The following OSBPL8 variants were observed in gnomAD, a reference collection of about 807,000 sequenced individuals.
The protein encoded by OSBPL8 is oxysterol-binding protein-related protein 8.
OSBPL8 carries 59 observed loss-of-function variants against 125.5 expected under a neutral mutation model. The observed-to-expected ratio is 0.47, with a 90% CI of 0.38 to 0.58. OSBPL8 has a LOEUF of 0.58. Among genes scored for constraint, OSBPL8 ranks in the 20% least tolerant of loss-of-function variants. The pLI, the probability that OSBPL8 is intolerant of heterozygous loss-of-function variation, is 0.00. For synonymous variants in OSBPL8, 330 were observed against 338.9 expected (o/e 0.97, Z 0.29); for missense variants, 758 against 1,047.8 (o/e 0.72, Z 3.82).
intron 2 of OSBPL8, among the ~76,000 whole-genome samples, chr12:76,462,269 C>T (rs911784910): frequency 6.6e-6 from 1 of 152,126 alleles, no homozygotes; most frequent in Non-Finnish European, 1.5e-5. Flanking sequence ...AGCTGTACTC[C>T]TTACTTTTTT....
intron 2 of OSBPL8, among the ~76,000 whole-genome samples, chr12:76,474,438 T>C (rs1293705555): frequency 6.6e-6 from 1 of 151,714 alleles, no homozygotes; most frequent in Non-Finnish European, 1.5e-5. Context: ...CACACATACA[T>C]ATATATATAT....
chr12:76,434,616 T>C (rs1161011913), intron 4 of OSBPL8, among the ~76,000 whole-genome samples: 1 of 152,112 alleles, frequency 6.6e-6, no homozygotes, highest in Non-Finnish European at 1.5e-5. Context: ...ATGGGGCTAA[T>C]ATACAAAATA....
intron 1 of OSBPL8, among the ~76,000 whole-genome samples, chr12:76,512,429 T>G (rs1267319717): frequency 6.6e-6 from 1 of 152,214 alleles, no homozygotes; most frequent in Non-Finnish European, 1.5e-5. Flanking sequence ...CAGCACAATT[T>G]ATTGAATATA....
intron 1 of OSBPL8, among the ~76,000 whole-genome samples, chr12:76,540,500 G>GTA (rs1950610597): frequency 1.4e-5 from 2 of 147,968 alleles, no homozygotes; most frequent in South Asian, 4.3e-4. Context: ...GTGTGTGTGT[G>GTA]TGTGTGTGTG....
chr12:76,499,624 G>A (rs1191027326), intron 1 of OSBPL8, among the ~76,000 whole-genome samples: 1 of 152,112 alleles, frequency 6.6e-6, no homozygotes, highest in East Asian at 1.9e-4. Flanking sequence ...GCTGAGGTGG[G>A]CAGATCACCA....
intron 4 of OSBPL8, among the ~76,000 whole-genome samples, chr12:76,436,131 C>A (rs929090031): frequency 7.2e-5 from 11 of 152,120 alleles, no homozygotes; most frequent in Admixed American, 2.6e-4. Context: ...GGTGTCTCCA[C>A]TCCCTTTCCT....
At chr12:76,443,755 C>G (rs1455036448) in intron 4 of OSBPL8, among the ~76,000 whole-genome samples, 4 of 152,136 alleles carry the variant, frequency 2.6e-5, no homozygotes, top group Admixed American at 2.0e-4. Flanking sequence ...TATCTGCCCC[C>G]CTTGGCCTCC....
chr12:76,428,870 C>T (rs1870477195), intron 4 of OSBPL8, among the ~76,000 whole-genome samples: 1 of 152,180 alleles, frequency 6.6e-6, no homozygotes, highest in South Asian at 2.1e-4. Context: ...AATCAAGATG[C>T]AGCACATAAA....
intron 2 of OSBPL8, among the ~76,000 whole-genome samples, chr12:76,480,601 G>A (rs1877366929): frequency 6.6e-6 from 1 of 152,190 alleles, no homozygotes; most frequent in Non-Finnish European, 1.5e-5. Context: ...TAATAAACTA[G>A]TGACTAAAAT....
chr12:76,533,765 T>G (rs1434274854), intron 1 of OSBPL8, among the ~76,000 whole-genome samples: 1 of 152,114 alleles, frequency 6.6e-6, no homozygotes, highest in Non-Finnish European at 1.5e-5. Flanking sequence ...GTGATTTCAG[T>G]AGGAAAAAAA....
chr12:76,482,442 C>T (rs547007547), intron 2 of OSBPL8, among the ~76,000 whole-genome samples: 120 of 152,146 alleles, frequency 7.9e-4, no homozygotes, highest in Admixed American at 2.7e-3. Flanking sequence ...GGAGAAACCC[C>T]GTCTCTACTA....
intron 6 of OSBPL8, among the ~76,000 whole-genome samples, chr12:76,400,694 T>C (rs555088259): frequency 2.6e-5 from 4 of 152,150 alleles, no homozygotes; most frequent in Admixed American, 1.3e-4. Context: ...ATACTGTATT[T>C]TTTTTTTTTG....
At chr12:76,493,936 C>T (rs964103087) in intron 1 of OSBPL8, among the ~76,000 whole-genome samples, 2 of 151,954 alleles carry the variant, frequency 1.3e-5, no homozygotes, top group Non-Finnish European at 2.9e-5. Flanking sequence ...TTTGAGTTTA[C>T]CAGTTCTTTC....
chr12:76,543,650 A>T, intron 1 of OSBPL8, among the ~76,000 whole-genome samples: 1 of 152,200 alleles, frequency 6.6e-6, no homozygotes, highest in Non-Finnish European at 1.5e-5. Context: ...AATTTAACTT[A>T]GATATAAGCC....
intron 1 of OSBPL8, among the ~76,000 whole-genome samples, chr12:76,547,667 A>G (rs1565988920): frequency 6.6e-6 from 1 of 152,152 alleles, no homozygotes. Context: ...CCCCTCACCC[A>G]TCTAGATACA....
intron 2 of OSBPL8, among the ~76,000 whole-genome samples, chr12:76,467,378 C>T (rs1875584478): frequency 1.3e-5 from 2 of 152,188 alleles, no homozygotes; most frequent in Non-Finnish European, 2.9e-5. Flanking sequence ...TCATACCTAG[C>T]ATATCTCCAA....
chr12:76,479,136 C>T (rs907172492), intron 2 of OSBPL8, among the ~76,000 whole-genome samples: 1 of 152,054 alleles, frequency 6.6e-6, no homozygotes, highest in Non-Finnish European at 1.5e-5. Flanking sequence ...TTCAATAAAG[C>T]TATAAAGTGG....
intron 4 of OSBPL8, among the ~76,000 whole-genome samples, chr12:76,444,397 T>C (rs1343806033): frequency 2.6e-5 from 4 of 152,164 alleles, no homozygotes; most frequent in Non-Finnish European, 4.4e-5. Context: ...GATAACAGTA[T>C]CACCTAAGAA....
chr12:76,539,299 G>GA (rs1341625439), intron 1 of OSBPL8, among the ~76,000 whole-genome samples: 2 of 151,850 alleles, frequency 1.3e-5, no homozygotes, highest in East Asian at 1.9e-4. Context: ...ACCCTATGCA[G>GA]AAAAAATAAG....
Sources: gnomAD v4.1 joint callset for allele counts (sites outside exome capture counted in the v4.1 genomes callset) on GRCh38, gnomAD v4.1.1 for gene constraint, MANE v1.5 for transcripts, NCBI Gene and HGNC (gene_info 2026-07-23, HGNC 2026-07-21) for gene names.